The following SEPTIN7 variants were observed in gnomAD, a reference collection of about 807,000 sequenced individuals.
SEPTIN7 encodes septin 7.
In SEPTIN7, 10 loss-of-function variants were observed where a neutral mutation model predicts 63.3. The ratio of observed to expected loss-of-function variants is 0.16; its 90% CI spans 0.10 to 0.27. SEPTIN7 has a LOEUF of 0.27. Among genes scored for constraint, SEPTIN7 ranks in the 10% least tolerant of loss-of-function variants. The pLI is 1.00. For synonymous variants in SEPTIN7, 131 were observed against 165.3 expected (o/e 0.79, Z 1.59); for missense variants, 310 against 521.0 (o/e 0.59, Z 3.94).
intron 1 of SEPTIN7, among the ~76,000 whole-genome samples, chr7:35,813,341 A>G (rs560568999): frequency 6.6e-6 from 1 of 152,014 alleles, no homozygotes; most frequent in East Asian, 1.9e-4. Flanking sequence ...CTACTTACAA[A>G]TGAGTAATAT....
rs548894893 is a variant in SEPTIN7, at chr7:35,810,169, G to A, written c.61+8899G>A. The stretch of plus-strand genomic sequence containing the variant: ...AGAAAATAAACATTTTCTGATAATT[G>A]TAAATGTATTCATTTGTGCTTTGAA... On this transcript the variant is annotated intron_variant, in intron 1 of 13. Coordinates refer to ENST00000350320, the MANE Select transcript of SEPTIN7 (RefSeq NM_001788.6). Among the ~76,000 whole-genome samples, 6 of 152,190 alleles carry A rather than the reference G, an allele frequency of 3.9e-5. 1 individual carries two copies. In the South Asian group the frequency reaches 1.2e-3, roughly 32 times the overall value.
intron 6 of SEPTIN7, among the ~76,000 whole-genome samples, chr7:35,875,463 G>C: frequency 6.6e-6 from 1 of 152,158 alleles, no homozygotes; most frequent in Non-Finnish European, 1.5e-5. Flanking sequence ...TTTCCGTCTT[G>C]TCTGGGTAGT....
rs145876939 is a variant in SEPTIN7, at chr7:35,821,990, C to T, written c.62-9502C>T. On this transcript the variant is annotated intron_variant, in intron 1 of 13. Coordinates refer to ENST00000350320, the MANE Select transcript of SEPTIN7 (RefSeq NM_001788.6). ...TTCACTATGTTGGCAAGGCTGGTCTCGAACTCCTGACCGACCTCAGATGAT... is the reference window on the plus strand; with the variant it reads ...TTCACTATGTTGGCAAGGCTGGTCTTGAACTCCTGACCGACCTCAGATGAT... 5.9e-5 allele frequency among the ~76,000 whole-genome samples: 9 copies of T among 152,258 alleles called. No individual in the cohort carries two copies. In the South Asian group the frequency reaches 1.5e-3, roughly 25 times the overall value.
At chr7:35,865,651 ATTTTC>A (rs549850748) in intron 4 of SEPTIN7, among the ~76,000 whole-genome samples, 149 of 150,532 alleles carry the variant, frequency 9.9e-4, no homozygotes, top group African/African-American at 3.3e-3. Context: ...ATTTGAGTCT[ATTTTC>A]TTTGATTTCT....
In SEPTIN7 at chr7:35,904,610, A is replaced by G; in HGVS notation, c.*317A>G. The stretch of plus-strand genomic sequence containing the variant: ...TCATGTTCTGGTGGTTTGATTGTTT[A>G]CAGGATATTCCAAAATAAAAGGACT... On this transcript the variant is annotated 3_prime_UTR_variant, in exon 14 of 14. Coordinates refer to ENST00000350320, the MANE Select transcript of SEPTIN7 (RefSeq NM_001788.6). 4.9e-6 allele frequency: 1 copy of G among 202,060 alleles called. No individual in the cohort carries two copies. Among genetic ancestry groups the G allele is most frequent in the Non-Finnish European group, 9.9e-6 (1 of 101,056 alleles). The allele number at this position is 202,060 out of a possible 1,614,324, so 12.5% of individuals were successfully genotyped here.
intron 7 of SEPTIN7, among the ~76,000 whole-genome samples, 191 bp downstream of exon 7, chr7:35,880,131 G>C (rs6462633): frequency 0.33 from 49,301 of 149,946 alleles, 8,266 homozygotes; most frequent in East Asian, 0.41. Context: ...TAAGTGTTCT[G>C]TAATAACACC....
intron 3 of SEPTIN7, among the ~76,000 whole-genome samples, chr7:35,837,664 T>C (rs966208616): frequency 1.3e-5 from 2 of 152,238 alleles, no homozygotes; most frequent in African/African-American, 4.8e-5. Context: ...ACTGCCAACA[T>C]TGGATATTAA....
intron 1 of SEPTIN7, among the ~76,000 whole-genome samples, chr7:35,807,954 C>T (rs1177287323): frequency 6.6e-6 from 1 of 151,890 alleles, no homozygotes; most frequent in Non-Finnish European, 1.5e-5. Flanking sequence ...TCCTAAGTAG[C>T]TGGGATTACA....
chr7:35,852,775 C>T (rs28410329), intron 3 of SEPTIN7, among the ~76,000 whole-genome samples: 168 of 152,112 alleles, frequency 1.1e-3, no homozygotes, highest in African/African-American at 3.9e-3. Context: ...CTACAAATAC[C>T]TCATTTATAT....
At chr7:35,802,735 C>CAAGT (rs1788074003) in intron 1 of SEPTIN7, among the ~76,000 whole-genome samples, 1 of 151,194 alleles carries the variant, frequency 6.6e-6, no homozygotes, top group African/African-American at 2.4e-5. Flanking sequence ...AAACAATGAC[C>CAAGT]AAGTCAGCTA....
chr7:35,841,705 A>G (rs943918340), intron 3 of SEPTIN7, among the ~76,000 whole-genome samples: 1 of 152,218 alleles, frequency 6.6e-6, no homozygotes, highest in Non-Finnish European at 1.5e-5. Context: ...CAGTATTTTA[A>G]AAGAACTCAG....
At chr7:35,907,771 T>A (rs1368908544), downstream of SEPTIN7, among the ~76,000 whole-genome samples, 1 of 152,168 alleles carries the variant, frequency 6.6e-6, no homozygotes, top group Non-Finnish European at 1.5e-5. Flanking sequence ...GCACCAGACA[T>A]GCTAATTGTC....
At chr7:35,896,471 C>G (rs1218335867) in intron 11 of SEPTIN7, among the ~76,000 whole-genome samples, 1 of 152,050 alleles carries the variant, frequency 6.6e-6, no homozygotes, top group Admixed American at 6.6e-5. Flanking sequence ...ACCCTTTCAC[C>G]GGAAGAATCC....
intron 3 of SEPTIN7, among the ~76,000 whole-genome samples, chr7:35,853,226 G>A (rs772979821): frequency 2.6e-4 from 39 of 152,264 alleles, no homozygotes; most frequent in African/African-American, 7.5e-4. Context: ...GAATCCAGGC[G>A]TTTGAGACCA....
intron 3 of SEPTIN7, among the ~76,000 whole-genome samples, chr7:35,859,138 C>T (rs750861063): frequency 7.9e-5 from 12 of 151,920 alleles, no homozygotes; most frequent in Non-Finnish European, 1.6e-4. Flanking sequence ...TAAGTGTTTA[C>T]AACTATAAAT....
chr7:35,807,629 C>T (rs956192260), intron 1 of SEPTIN7, among the ~76,000 whole-genome samples: 1 of 151,878 alleles, frequency 6.6e-6, no homozygotes, highest in Non-Finnish European at 1.5e-5. Context: ...TCCCAAAGTG[C>T]TGGGATTACA....
intron 3 of SEPTIN7, among the ~76,000 whole-genome samples, chr7:35,836,341 C>T (rs778973697): frequency 1.6e-4 from 25 of 152,030 alleles, no homozygotes; most frequent in Non-Finnish European, 3.4e-4. Flanking sequence ...CTGTAGTTTG[C>T]TTTATTTAAC....
At chr7:35,868,629 A>T (rs547031206) in intron 4 of SEPTIN7, among the ~76,000 whole-genome samples, 1 of 152,086 alleles carries the variant, frequency 6.6e-6, no homozygotes, top group Non-Finnish European at 1.5e-5. Context: ...ATGAAAAGGG[A>T]TACCTAGGAG....
intron 1 of SEPTIN7, among the ~76,000 whole-genome samples, chr7:35,803,377 G>GACA (rs1232689439): frequency 6.6e-6 from 1 of 152,070 alleles, no homozygotes; most frequent in Non-Finnish European, 1.5e-5. Context: ...AATATGCTAG[G>GACA]ACAACAACAA....
Sources: gnomAD v4.1 joint callset for allele counts (sites outside exome capture counted in the v4.1 genomes callset) on GRCh38, gnomAD v4.1.1 for gene constraint, MANE v1.5 for transcripts, NCBI Gene and HGNC (gene_info 2026-07-23, HGNC 2026-07-21) for gene names.